EIF3K: variants seen among roughly 807,000 people sequenced by gnomAD.
EIF3K encodes the protein eIF-3 p28.
A neutral mutation model predicts 34.2 loss-of-function variants in EIF3K; 27 were observed. The ratio of observed to expected loss-of-function variants is 0.79; its 90% confidence interval spans 0.58 to 1.09. EIF3K has a LOEUF of 1.09. Ranked by LOEUF, EIF3K falls within the 50% of genes least tolerant of loss-of-function variation. EIF3K has a pLI of 0.00. For synonymous variants in EIF3K, 105 were observed against 105.7 expected (o/e 0.99, Z 0.04); for missense variants, 232 against 275.4 (o/e 0.84, Z 1.11).
intron 4 of EIF3K, among the ~76,000 whole-genome samples, chr19:38,631,793 C>A (rs918212297): frequency 1.3e-5 from 2 of 152,302 alleles, no homozygotes; most frequent in Admixed American, 1.3e-4. Context: ...AGGCAGAGGT[C>A]CCTGCGGTCT....
chr19:38,635,817 G>A (rs894765236), intron 7 of EIF3K: 1 of 152,238 alleles, frequency 6.6e-6, no homozygotes, highest in Non-Finnish European at 1.5e-5. Context: ...TGGCTACTCC[G>A]GCAGCGGGTG....
chr19:38,620,416 A>C lies in EIF3K; in HGVS notation c.139A>C (p.Asn47His), dbSNP rs1478678514. The C allele has an allele frequency of 6.2e-7, 1 of 1,613,922 alleles. No individual in the cohort carries two copies. Among genetic ancestry groups the C allele is most frequent in the East Asian group, 2.2e-5 (1 of 44,880 alleles). Residue 47 changes from asparagine to histidine, a missense_variant, in exon 2 of 8, where the codon AAC becomes CAC. Transcript: ENST00000248342. ...AKENAYDLEA[N>H]LAVLKLYQFN... ...GGAAAATGCCTATGATCTGGAAGCC[A>C]ACCTGGCTGTCCTGAAGCTGTAAGT...
In EIF3K at chr19:38,619,232, T is replaced by TA; in HGVS notation, c.-36dup. 1 of 1,612,432 alleles carries TA rather than the reference T, an allele frequency of 6.2e-7. No individual in the cohort carries two copies. On this transcript the variant is annotated 5_prime_UTR_variant, in exon 1 of 8. Coordinates refer to ENST00000248342, the MANE Select transcript of EIF3K (RefSeq NM_013234.4). ...TGAGGACGCCGTGCCGGGTCAGTGTTAGCCTCCAGCCCTGGTTGTGGAAGG... is the reference window on the plus strand; with the variant it reads ...TGAGGACGCCGTGCCGGGTCAGTGTTAAGCCTCCAGCCCTGGTTGTGGAAGG...
intron 6 of EIF3K, 122 bp from the exon 7 acceptor site, chr19:38,634,868 CAGG>C (rs1490605114): frequency 4.3e-6 from 6 of 1,392,482 alleles, no homozygotes; most frequent in Non-Finnish European, 4.9e-6. Context: ...TGCTGCTGTC[CAGG>C]AGATGTCAGT....
chr19:38,619,655 G>A (rs1329105824), intron 1 of EIF3K, among the ~76,000 whole-genome samples: 6 of 152,206 alleles, frequency 3.9e-5, no homozygotes, highest in Non-Finnish European at 2.9e-5. Context: ...GTACCACTCA[G>A]TCTCTTCGTA....
intron 6 of EIF3K, 37 bp downstream of exon 6, chr19:38,632,715 T>G (rs1599739214): frequency 2.5e-6 from 4 of 1,578,130 alleles, no homozygotes; most frequent in Non-Finnish European, 3.5e-6. Context: ...ATCTGGGAGG[T>G]TGGGGGTGGC....
chr19:38,635,202 G>C lies in EIF3K; in HGVS notation c.625+84G>C. ...CCGAGGCAGGGGCCCAGAGGACCTG[G>C]GTAGATCTGCTCGTGTTCTGGGCTG... On this transcript the variant is annotated intron_variant, in intron 7 of 7. Coordinates refer to ENST00000248342, the MANE Select transcript of EIF3K (RefSeq NM_013234.4). The C allele has an allele frequency of 6.3e-6, 10 of 1,583,940 alleles. No individual in the cohort carries two copies. In the Admixed American group the frequency reaches 1.7e-4, roughly 27 times the overall value.
At chr19:38,628,821 CAA>C (rs1159369097) in intron 4 of EIF3K, among the ~76,000 whole-genome samples, 4 of 142,668 alleles carry the variant, frequency 2.8e-5, no homozygotes, top group Admixed American at 1.4e-4. Flanking sequence ...AACTCCATCT[CAA>C]AAAAAAAAAA....
In EIF3K at chr19:38,625,986, T is replaced by C. The variant is rs374384294; in HGVS notation, c.280-42T>C. ...GGAGGGGTGATCTGGGGTCCAACCT[T>C]ACGCTCCGAGGCCAGTTTTCCTTAA... On this transcript the variant is annotated intron_variant, in intron 3 of 7. Coordinates refer to ENST00000248342, the MANE Select transcript of EIF3K (RefSeq NM_013234.4). 204 of 1,600,220 alleles carry C rather than the reference T, an allele frequency of 1.3e-4. 3 individuals carry two copies. In the South Asian group the frequency reaches 1.5e-3, roughly 12 times the overall value.
chr19:38,620,428 C>T lies in EIF3K; in HGVS notation c.151C>T (p.Leu51=). 2 of 1,613,656 alleles carry T rather than the reference C, an allele frequency of 1.2e-6. No individual in the cohort carries two copies. Among genetic ancestry groups the T allele is most frequent in the African/African-American group, 1.3e-5 (1 of 75,018 alleles). The change falls in exon 2 of 8, where the codon CTG becomes TTG. Residue 51 remains leucine (L), a synonymous_variant. Transcript: ENST00000248342. ...AYDLEANLAV[L]KLYQFNPAFF... ...TGATCTGGAAGCCAACCTGGCTGTC[C>T]TGAAGCTGTAAGTGTCTAGCTCTCT...
At chr19:38,620,524 T>C in intron 2 of EIF3K, 89 bp downstream of exon 2, 1 of 1,067,612 alleles carries the variant, frequency 9.4e-7, no homozygotes, top group South Asian at 1.3e-5. Flanking sequence ...GCTGGTAGTA[T>C]CCTGAACAAT....
In EIF3K at chr19:38,636,054, C is replaced by G. The variant is rs187353930; in HGVS notation, c.626-835C>G. Among the ~76,000 whole-genome samples the G allele has an allele frequency of 2.6e-3, 399 of 152,352 alleles. 1 individual carries two copies. The highest frequency in any genetic ancestry group is 0.012 in the South Asian group (58 of 4,834). ...GGCAGCCATCTGCGCACTTGCAGCC[C>G]GTGGTATCTCACCTCTAAACGCCGC... On this transcript the variant is annotated intron_variant, in intron 7 of 7. Transcript: ENST00000248342.
At chr19:38,623,369 A>G (rs1247615308) in intron 2 of EIF3K, among the ~76,000 whole-genome samples, 2 of 152,214 alleles carry the variant, frequency 1.3e-5, no homozygotes, top group African/African-American at 4.8e-5. Flanking sequence ...GGGTTTTGCC[A>G]TGTTAGCCAG....
Position 38,632,072 on chromosome 19 carries a change from ATCTT to A in EIF3K, c.355-352_355-349del. 1.3e-5 allele frequency: 3 copies of A among 234,244 alleles called. No homozygotes were observed. The South Asian group carries it at 1.6e-4, about 13-fold the overall frequency. 14.5% of individuals were successfully genotyped at this position (234,244 alleles called of 1,614,324 possible). ...TCTACACAGACACAGTAACAATCTGATCTTTCTTTTCCCCACACATTACTGATAA... is the reference window on the plus strand; with the variant it reads ...TCTACACAGACACAGTAACAATCTGATCTTTTCCCCACACATTACTGATAA... On this transcript the variant is annotated intron_variant, in intron 4 of 7. Transcript: ENST00000248342.
chr19:38,622,061 A>G (rs1445612311), intron 2 of EIF3K, among the ~76,000 whole-genome samples: 1 of 147,356 alleles, frequency 6.8e-6, no homozygotes, highest in Non-Finnish European at 1.5e-5. Flanking sequence ...ATGCACCACC[A>G]TGCCCAGCTA....
intron 4 of EIF3K, chr19:38,631,989 A>T (rs1247707003): frequency 5.2e-6 from 1 of 190,906 alleles, no homozygotes; most frequent in African/African-American, 2.4e-5. Flanking sequence ...ACAGCATCTC[A>T]AGGCAGAAGA....
intron 2 of EIF3K, among the ~76,000 whole-genome samples, chr19:38,623,699 TTAATCTCTC>T (rs1975890098): frequency 6.6e-6 from 1 of 151,728 alleles, no homozygotes; most frequent in East Asian, 1.9e-4. Flanking sequence ...TCAGTGCCTC[TTAATCTCTC>T]TCTTCTCTGC....
intron 2 of EIF3K, among the ~76,000 whole-genome samples, chr19:38,622,356 C>T (rs973023178): frequency 2.0e-5 from 3 of 152,104 alleles, no homozygotes; most frequent in Admixed American, 6.6e-5. Flanking sequence ...TAAAGCTGGG[C>T]GTCCGGGGGA....
intron 4 of EIF3K, among the ~76,000 whole-genome samples, chr19:38,626,746 A>C (rs1238508884): frequency 3.3e-5 from 5 of 152,124 alleles, no homozygotes; most frequent in Admixed American, 3.3e-4. Flanking sequence ...GGGAGGCTAG[A>C]TCACCTCCTG....
Sources: allele counts gnomAD v4.1 joint callset (sites outside exome capture counted in the v4.1 genomes callset), GRCh38; gene constraint gnomAD v4.1.1; transcripts MANE v1.5; gene names NCBI Gene and HGNC (gene_info 2026-07-23, HGNC 2026-07-21).